POFUT1: variants seen among roughly 807,000 people sequenced by gnomAD.
POFUT1 encodes the protein protein O-fucosyltransferase 1.
Under a neutral mutation model 42.4 loss-of-function variants are expected in POFUT1, and 16 were observed. That is an observed-to-expected ratio of 0.38 (90% confidence interval 0.26 to 0.57). The LOEUF (loss-of-function observed/expected upper bound fraction) is 0.57, where lower values mean the gene tolerates loss of function less well. Among genes scored for constraint, POFUT1 ranks in the 20% least tolerant of loss-of-function variants. The probability of loss-of-function intolerance (pLI) is 0.71; values close to 1 mark genes in which losing one functional copy is unlikely to be tolerated. For synonymous variants in POFUT1, 206 were observed against 205.4 expected, an observed-to-expected ratio of 1.00 and a Z score of -0.03; for missense variants, 470 against 504.6, an observed-to-expected ratio of 0.93 and a Z score of 0.66.
intron 2 of POFUT1, among the ~76,000 whole-genome samples, chr20:32,212,721 C>T (rs1437491035): frequency 1.3e-5 from 2 of 152,084 alleles, no homozygotes; most frequent in African/African-American, 4.8e-5. Context: ...GCTGGGACTA[C>T]AGGCATGTGC....
chr20:32,207,889 C>T lies in POFUT1; in HGVS notation c.-53C>T, dbSNP rs1264465549. 4.7e-5 allele frequency: 68 copies of T among 1,443,402 alleles called. No individual in the cohort carries two copies. In the South Asian group the frequency reaches 6.3e-4, roughly 13 times the overall value. The allele number at this position is 1,443,402 out of a possible 1,614,324, so 89.4% of individuals were successfully genotyped here. On this transcript the variant is annotated 5_prime_UTR_variant, in exon 1 of 7. Transcript: ENST00000375749. Reference sequence around the variant, plus strand: ...TGGGAGCGGGGCGGGCGCTCGCGTCCCTCCTTCCCTCCCCGACTGTGCGCC... The same window carrying T: ...TGGGAGCGGGGCGGGCGCTCGCGTCTCTCCTTCCCTCCCCGACTGTGCGCC...
rs1311773431 is a variant in POFUT1, at chr20:32,235,283, T to C, written c.*622T>C. 6.5e-6 allele frequency: 1 copy of C among 152,782 alleles called. No homozygotes were observed. Among genetic ancestry groups the C allele is most frequent in the Non-Finnish European group, 1.5e-5 (1 of 68,130 alleles). 9.5% of individuals were successfully genotyped at this position (152,782 alleles called of 1,614,324 possible). Reference sequence around the variant, plus strand: ...ATGCTGTCCTGTGCTGTAAACACTATGCAAATGGAAGTTATCGGTTGTGGT... The same window carrying C: ...ATGCTGTCCTGTGCTGTAAACACTACGCAAATGGAAGTTATCGGTTGTGGT... On this transcript the variant is annotated 3_prime_UTR_variant, in exon 7 of 7. Transcript: ENST00000375749.
Position 32,216,736 on chromosome 20 carries a change from T to C in POFUT1, c.542+15T>C, listed in dbSNP as rs57677611. 2.5e-3 allele frequency: 3,922 copies of C among 1,569,192 alleles called. 86 individuals are homozygous for C. In the African/African-American group the frequency reaches 0.045, roughly 18 times the overall value. On this transcript the variant is annotated intron_variant, in intron 4 of 6. Transcript: ENST00000375749. The stretch of plus-strand genomic sequence containing the variant: ...TGGAGCCAGAGGTACTTGGAGGGGG[T>C]AGCGTTTCTGGGTTTAGGGGAGGCG...
Position 32,215,295 on chromosome 20 carries a change from C to T in POFUT1, c.273C>T (p.Phe91=), listed in dbSNP as rs372275365. The T allele has an allele frequency of 5.0e-6, 8 of 1,612,812 alleles. No individual in the cohort carries two copies. The African/African-American group carries it at 9.3e-5, about 19-fold the overall frequency. ...TCCATGTGTCCTACCAGAAGTACTT[C>T]AAGCTGGAGCCCCTCCAGGCTTACC... The part of the protein sequence containing the change: ...TNLHVSYQKY[F]KLEPLQAYHR... Residue 91 remains phenylalanine (F), a synonymous_variant, in exon 3 of 7, where the codon TTC becomes TTT. Transcript: ENST00000375749.
Position 32,215,996 on chromosome 20 carries a change from C to G in POFUT1, c.429+545C>G, listed in dbSNP as rs186525111. On this transcript the variant is annotated intron_variant, in intron 3 of 6. Transcript: ENST00000375749. ...AGGTAATTTGGCACCATTGTCTACCCACTTAACTTGAATACCTTCCTGCAT... is the reference window on the plus strand; with the variant it reads ...AGGTAATTTGGCACCATTGTCTACCGACTTAACTTGAATACCTTCCTGCAT... Among the ~76,000 whole-genome samples, 16 of 152,304 alleles carry G rather than the reference C, an allele frequency of 1.1e-4. No homozygotes were observed. In the East Asian group the frequency reaches 3.1e-3, roughly 29 times the overall value.
chr20:32,221,249 A>G (rs1258605350), intron 4 of POFUT1, among the ~76,000 whole-genome samples: 1 of 152,156 alleles, frequency 6.6e-6, no homozygotes, highest in African/African-American at 2.4e-5. Context: ...CTTCCTTGCT[A>G]TGCATATTTG....
chr20:32,218,239 C>T (rs2047372586), intron 4 of POFUT1, among the ~76,000 whole-genome samples: 1 of 152,160 alleles, frequency 6.6e-6, no homozygotes, highest in African/African-American at 2.4e-5. Flanking sequence ...TGGGCTCAAG[C>T]AATCCTCCCC....
chr20:32,235,392 C>G lies in POFUT1; in HGVS notation c.*731C>G, dbSNP rs1181547174. The G allele has an allele frequency of 6.6e-6, 1 of 152,604 alleles. No individual in the cohort carries two copies. The highest frequency in any genetic ancestry group is 1.9e-4 in the East Asian group (1 of 5,186). The allele number at this position is 152,604 out of a possible 1,614,324, so 9.5% of individuals were successfully genotyped here. On this transcript the variant is annotated 3_prime_UTR_variant, in exon 7 of 7. Transcript: ENST00000375749. ...AGCACATACCATCAAGCCACACTAT[C>G]ATGGTATTGTTCTCACAGTCTTTTG... is the stretch of plus-strand genomic sequence containing the variant.
intron 2 of POFUT1, among the ~76,000 whole-genome samples, chr20:32,214,931 T>C (rs898520338): frequency 6.6e-6 from 1 of 152,206 alleles, no homozygotes; most frequent in African/African-American, 2.4e-5. Flanking sequence ...TCGTCCAAGC[T>C]GGAGTCCAGT....
chr20:32,230,820 A>C lies in POFUT1; in HGVS notation c.737A>C (p.Lys246Thr). Residue 246 changes from lysine to threonine, a missense_variant and splice_region_variant, in exon 6 of 7, where the codon AAG becomes ACG. By Grantham distance (78) the Lys-to-Thr change is moderately conservative (BLOSUM62 -1). Coordinates refer to ENST00000375749, the MANE Select transcript of POFUT1 (RefSeq NM_015352.2). The stretch of plus-strand genomic sequence containing the variant: ...AACCCTGTTCCCCGCTCTCCGTAGA[A>C]GAACGCCTGTGCCATGCTGAAGGAC... The part of the protein sequence containing the change: ...GIHLRIGSDW[K>T]NACAMLKDGT... 1 of 1,613,268 alleles carries C rather than the reference A, an allele frequency of 6.2e-7. No individual in the cohort carries two copies. The highest frequency in any genetic ancestry group is 8.5e-7 in the Non-Finnish European group (1 of 1,180,032).
intron 2 of POFUT1, among the ~76,000 whole-genome samples, chr20:32,211,183 G>A (rs531106625): frequency 6.6e-6 from 1 of 152,232 alleles, no homozygotes; most frequent in Admixed American, 6.5e-5. Flanking sequence ...GTCATATGCC[G>A]CCTCCCTCTT....
intron 2 of POFUT1, among the ~76,000 whole-genome samples, chr20:32,211,593 A>G (rs1391005571): frequency 6.6e-6 from 1 of 152,130 alleles, no homozygotes; most frequent in Non-Finnish European, 1.5e-5. Context: ...TACAGTGTAG[A>G]CATTGCCCAT....
At chr20:32,218,447 C>T (rs149000551) in intron 4 of POFUT1, among the ~76,000 whole-genome samples, 1 of 152,350 alleles carries the variant, frequency 6.6e-6, no homozygotes, top group East Asian at 1.9e-4. Flanking sequence ...TCCCAAAGCA[C>T]CTGTTCTTAA....
Position 32,228,415 on chromosome 20 carries a change from G to A in POFUT1, c.695G>A (p.Arg232Gln), listed in dbSNP as rs761813996. ...GCCCAGATTCATGCCCACCTTGTCCGGCCCTATGTGGGCATTCATCTGCGC... is the reference window on the plus strand; with the variant it reads ...GCCCAGATTCATGCCCACCTTGTCCAGCCCTATGTGGGCATTCATCTGCGC... ...GEAQIHAHLV[R>Q]PYVGIHLRIG... is the part of the protein sequence containing the mutation. The change falls in exon 5 of 7, where the codon CGG becomes CAG. Residue 232 changes from arginine (R) to glutamine (Q), a missense_variant. Transcript: ENST00000375749. 5.6e-6 allele frequency: 9 copies of A among 1,614,120 alleles called. No individual in the cohort carries two copies. Among genetic ancestry groups the A allele is most frequent in the Non-Finnish European group, 7.6e-6 (9 of 1,179,984 alleles).
At chr20:32,232,270 A>G (rs2047447285) in intron 6 of POFUT1, among the ~76,000 whole-genome samples, 1 of 152,150 alleles carries the variant, frequency 6.6e-6, no homozygotes, top group Non-Finnish European at 1.5e-5. Context: ...GTTCGAGACC[A>G]GCCTGGCCTA....
intron 6 of POFUT1, 68 bp from the exon 7 acceptor site, chr20:32,234,404 TG>T (rs1409968757): frequency 2.9e-6 from 4 of 1,364,828 alleles, no homozygotes; most frequent in Non-Finnish European, 4.0e-6. Flanking sequence ...GGAATAAGGT[TG>T]GGGGTGTGGA....
intron 4 of POFUT1, among the ~76,000 whole-genome samples, chr20:32,224,366 T>G (rs1050417993): frequency 2.6e-5 from 4 of 151,952 alleles, no homozygotes; most frequent in Non-Finnish European, 4.4e-5. Flanking sequence ...CACTCCAGCC[T>G]GGGTGACAGA....
chr20:32,225,173 C>G (rs974276703), intron 4 of POFUT1, among the ~76,000 whole-genome samples: 2 of 152,074 alleles, frequency 1.3e-5, no homozygotes, highest in Non-Finnish European at 2.9e-5. Flanking sequence ...ATATATACAA[C>G]CTTTTTTTAT....
intron 2 of POFUT1, among the ~76,000 whole-genome samples, 189 bp from the exon 3 acceptor site, chr20:32,215,080 G>T (rs1206001341): frequency 6.6e-6 from 1 of 152,118 alleles, no homozygotes; most frequent in African/African-American, 2.4e-5. Context: ...GTAAAGACAG[G>T]GTTTCACCAT....
Sources: gnomAD v4.1 joint callset for allele counts (sites outside exome capture counted in the v4.1 genomes callset) on GRCh38, gnomAD v4.1.1 for gene constraint, MANE v1.5 for transcripts, NCBI Gene and HGNC (gene_info 2026-07-23, HGNC 2026-07-21) for gene names.